PTPN11: variants seen among roughly 807,000 people sequenced by gnomAD.
The protein encoded by PTPN11 is protein tyrosine phosphatase non-receptor type 11.
A neutral mutation model predicts 78.8 loss-of-function variants in PTPN11; 6 were observed. The observed-to-expected ratio is 0.08, with a 90% CI of 0.04 to 0.15. PTPN11 has a LOEUF of 0.15. Among genes scored for constraint, PTPN11 ranks in the 10% least tolerant of loss-of-function variants. The pLI, the probability that PTPN11 is intolerant of heterozygous loss-of-function variation, is 1.00. For synonymous variants in PTPN11, 221 were observed against 263.5 expected, an observed-to-expected ratio of 0.84 and a Z score of 1.56; for missense variants, 386 against 744.8, an observed-to-expected ratio of 0.52 and a Z score of 5.61.
intron 7 of PTPN11, among the ~76,000 whole-genome samples, chr12:112,473,475 G>C (rs553808790): frequency 1.3e-5 from 2 of 152,208 alleles, no homozygotes; most frequent in South Asian, 4.1e-4. Flanking sequence ...CCTCCTGAGG[G>C]CTCCTAGAAC....
In PTPN11 at chr12:112,446,362, G is replaced by A. The variant is rs906966059; in HGVS notation, c.101G>A (p.Ser34Asn). 1 of 1,614,172 alleles carries A rather than the reference G, an allele frequency of 6.2e-7. No homozygotes were observed. The highest frequency in any genetic ancestry group is 8.5e-7 in the Non-Finnish European group (1 of 1,180,028). ...GVDGSFLARP[S>N]KSNPGDFTLS... is the part of the protein sequence containing the mutation. ...GATGGCAGTTTTTTGGCAAGGCCTAGTAAAAGTAACCCTGGAGACTTCACA... is the reference window on the plus strand; with the variant it reads ...GATGGCAGTTTTTTGGCAAGGCCTAATAAAAGTAACCCTGGAGACTTCACA... Residue 34 changes from serine (S) to asparagine (N), a missense_variant, in exon 2 of 16, where the codon AGT becomes AAT. This residue lies in a region of PTPN11 where 279 missense variants were observed against 503.3 expected (regional missense o/e 0.55). Coordinates refer to ENST00000351677, the MANE Select transcript of PTPN11 (RefSeq NM_002834.5).
chr12:112,450,559 C>A (rs772834134), intron 3 of PTPN11, 47 bp downstream of exon 3: 2 of 1,563,232 alleles, frequency 1.3e-6, no homozygotes, highest in Non-Finnish European at 1.8e-6. Context: ...CCCTTGTGCC[C>A]TGAGTGTCAG....
chr12:112,487,003 G>T, intron 11 of PTPN11: 4 of 994,144 alleles, frequency 4.0e-6, no homozygotes, highest in Non-Finnish European at 5.2e-6. Flanking sequence ...TGGTGGGGGT[G>T]TGGTGGAAAT....
At chr12:112,463,085 A>G (rs2038273295) in intron 6 of PTPN11, among the ~76,000 whole-genome samples, 1 of 152,182 alleles carries the variant, frequency 6.6e-6, no homozygotes, top group Non-Finnish European at 1.5e-5. Context: ...ATAGTGAGCT[A>G]TTTTGTAATC....
chr12:112,488,995 CT>C (rs1288300679), intron 12 of PTPN11, 28 bp from the exon 13 acceptor site: 2 of 1,612,146 alleles, frequency 1.2e-6, no homozygotes, highest in Non-Finnish European at 1.7e-6. Context: ...TGCAGTTTCT[CT>C]TTATTCTTCA....
Position 112,448,301 on chromosome 12 carries a change from C to T in PTPN11, c.137+1903C>T, listed in dbSNP as rs2038024755. The stretch of plus-strand genomic sequence containing the variant: ...TCTTGGCTCACCGCAACCTCCACCT[C>T]CTGGGTTCAAGTGATTTTCATGACT... On this transcript the variant is annotated intron_variant, in intron 2 of 15. Transcript: ENST00000351677. Among the ~76,000 whole-genome samples, 3 of 151,796 alleles carry T rather than the reference C, an allele frequency of 2.0e-5. No individual in the cohort carries two copies. In the South Asian group the frequency reaches 6.3e-4, roughly 32 times the overall value.
chr12:112,427,721 C>T (rs1311146907), intron 1 of PTPN11, among the ~76,000 whole-genome samples: 1 of 151,354 alleles, frequency 6.6e-6, no homozygotes, highest in East Asian at 1.9e-4. Context: ...CTCTCTACCC[C>T]CTCCCCTCAG....
intron 8 of PTPN11, 29 bp downstream of exon 8, chr12:112,477,759 G>T: frequency 6.2e-7 from 1 of 1,605,986 alleles, no homozygotes; most frequent in South Asian, 1.1e-5. Flanking sequence ...AGTGTTTTCT[G>T]ACCATACATT....
intron 13 of PTPN11, among the ~76,000 whole-genome samples, chr12:112,494,468 T>C (rs75303326): frequency 6.6e-6 from 1 of 151,376 alleles, no homozygotes; most frequent in Non-Finnish European, 1.5e-5. Flanking sequence ...CTTACTACTA[T>C]TTTTGTTGTT....
chr12:112,480,886 A>G (rs2038585149), intron 9 of PTPN11, among the ~76,000 whole-genome samples: 1 of 152,190 alleles, frequency 6.6e-6, no homozygotes, highest in Non-Finnish European at 1.5e-5. Flanking sequence ...AAAACAACAG[A>G]ACACAAAAGC....
rs374285143 is a variant in PTPN11, at chr12:112,489,097, A to G, written c.1521A>G (p.Thr507=). The G allele has an allele frequency of 1.9e-6, 3 of 1,614,130 alleles. No individual in the cohort carries two copies. Among genetic ancestry groups the G allele is most frequent in the African/African-American group, 2.7e-5 (2 of 74,950 alleles). The part of the protein sequence containing the change: ...VRSQRSGMVQ[T]EAQYRFIYMA... ...CTCAGAGGTCAGGGATGGTCCAGAC[A>G]GAAGCACAGTACCGATTTATCTATA... Residue 507 remains threonine, a synonymous_variant, in exon 13 of 16, where the codon ACA becomes ACG. Transcript: ENST00000351677.
At chr12:112,470,387 G>A (rs2038396602) in intron 6 of PTPN11, among the ~76,000 whole-genome samples, 2 of 152,182 alleles carry the variant, frequency 1.3e-5, no homozygotes, top group African/African-American at 2.4e-5. Context: ...CCCTCACCCC[G>A]CCCCTTTGGG....
At chr12:112,430,293 C>T (rs569598975) in intron 1 of PTPN11, among the ~76,000 whole-genome samples, 3 of 152,236 alleles carry the variant, frequency 2.0e-5, no homozygotes, top group South Asian at 2.1e-4. Context: ...TGAGCCACAG[C>T]GCCTGGCCAT....
intron 1 of PTPN11, among the ~76,000 whole-genome samples, chr12:112,441,452 A>G (rs2037888917): frequency 1.3e-5 from 2 of 151,232 alleles, no homozygotes; most frequent in Admixed American, 1.3e-4. Context: ...TTGTAGAGAC[A>G]GGGTTTTGCC....
At chr12:112,505,398 G>A (rs974535130) in intron 15 of PTPN11, among the ~76,000 whole-genome samples, 1 of 152,088 alleles carries the variant, frequency 6.6e-6, no homozygotes, top group African/African-American at 2.4e-5. Flanking sequence ...TGGGCATGGT[G>A]GCTCATACCT....
chr12:112,428,638 A>G (rs1239388301), intron 1 of PTPN11, among the ~76,000 whole-genome samples: 8 of 151,648 alleles, frequency 5.3e-5, no homozygotes, highest in Non-Finnish European at 1.2e-4. Context: ...TTTGGTAATT[A>G]TGAATACTTT....
At chr12:112,446,197 C>A in intron 1 of PTPN11, 79 bp from the exon 2 acceptor site, 4 of 1,565,474 alleles carry the variant, frequency 2.6e-6, no homozygotes, top group East Asian at 4.5e-5. Context: ...GCTCATAATG[C>A]GTCTTAGCTG....
chr12:112,479,030 G>C (rs1477237521), intron 9 of PTPN11, among the ~76,000 whole-genome samples: 1 of 152,130 alleles, frequency 6.6e-6, no homozygotes, highest in African/African-American at 2.4e-5. Flanking sequence ...CACCATGCCT[G>C]GCCATGTTGT....
chr12:112,441,152 C>T (rs575101498), intron 1 of PTPN11, among the ~76,000 whole-genome samples: 3 of 151,638 alleles, frequency 2.0e-5, no homozygotes, highest in Admixed American at 6.6e-5. Context: ...TTAGTAGGGA[C>T]AGGGTTTCTC....
Sources: allele counts gnomAD v4.1 joint callset (sites outside exome capture counted in the v4.1 genomes callset), GRCh38; gene constraint gnomAD v4.1.1; regional missense constraint gnomAD v4.1.1; transcripts MANE v1.5; gene names NCBI Gene and HGNC (gene_info 2026-07-23, HGNC 2026-07-21).